The following SLC39A11 variants were observed in gnomAD, a reference collection of about 807,000 sequenced individuals.
The protein encoded by SLC39A11 is zinc transporter ZIP11.
Under a neutral mutation model 36.1 loss-of-function variants are expected in SLC39A11, and 33 were observed. The ratio of observed to expected loss-of-function variants is 0.91; its 90% CI spans 0.69 to 1.22. The LOEUF is 1.22. Among genes scored for constraint, SLC39A11 ranks in the 50% most tolerant of loss-of-function variants. The pLI, the probability that SLC39A11 is intolerant of heterozygous loss-of-function variation, is 0.00. For missense variants in SLC39A11, 432 were observed against 430.3 expected (o/e 1.00, Z -0.03); for synonymous variants, 166 against 170.3 (o/e 0.97, Z 0.20).
intron 9 of SLC39A11, among the ~76,000 whole-genome samples, chr17:72,648,530 T>C (rs1345213200): frequency 6.6e-6 from 1 of 151,884 alleles, no homozygotes; most frequent in Non-Finnish European, 1.5e-5. Flanking sequence ...AGAGAGAATA[T>C]ACAAAAACGA....
chr17:72,812,227 G>A (rs2077455490), intron 6 of SLC39A11, among the ~76,000 whole-genome samples: 1 of 152,216 alleles, frequency 6.6e-6, no homozygotes, highest in Non-Finnish European at 1.5e-5. Context: ...TCCTTTCGGA[G>A]GGAAGACAAG....
intron 5 of SLC39A11, among the ~76,000 whole-genome samples, chr17:72,943,521 T>C (rs1283998864): frequency 6.6e-6 from 1 of 152,184 alleles, no homozygotes; most frequent in Non-Finnish European, 1.5e-5. Flanking sequence ...GAAAAATCTG[T>C]TTCTTACCTG....
intron 6 of SLC39A11, among the ~76,000 whole-genome samples, chr17:72,791,792 G>C (rs2714015): frequency 0.65 from 98,324 of 151,942 alleles, 32,684 homozygotes; most frequent in Non-Finnish European, 0.74. Context: ...GGGGCTTTTC[G>C]CCCTTTTGCT....
Position 72,736,682 on chromosome 17 carries a change from T to C in SLC39A11, c.639A>G (p.Glu213=), listed in dbSNP as rs972172342. 1 of 1,613,954 alleles carries C rather than the reference T, an allele frequency of 6.2e-7. No homozygotes were observed. The highest frequency in any genetic ancestry group is 8.5e-7 in the Non-Finnish European group (1 of 1,179,992). ...TCTCAAAGGTAGCAGATGCCGTCTT[T>C]TCTATAGCCCCAAATCCAACTCCAA... is the stretch of plus-strand genomic sequence containing the variant. The part of the protein sequence containing the change: ...LAVGVGFGAI[E]KTASATFESA... Residue 213 remains glutamate, a synonymous_variant, in exon 7 of 10, where the codon GAA becomes GAG. Coordinates refer to ENST00000255559, the MANE Select transcript of SLC39A11 (RefSeq NM_139177.4).
chr17:72,935,983 G>C (rs1208597815), intron 5 of SLC39A11, among the ~76,000 whole-genome samples: 2 of 151,936 alleles, frequency 1.3e-5, no homozygotes, highest in African/African-American at 4.8e-5. Context: ...GATCGCTTGA[G>C]CTAAGGAGTT....
chr17:73,035,807 C>T (rs894651952), intron 3 of SLC39A11, among the ~76,000 whole-genome samples: 5 of 130,672 alleles, frequency 3.8e-5, no homozygotes, highest in African/African-American at 1.5e-4. Context: ...GAGGTTGCAG[C>T]GAGCCAAGAT....
At chr17:72,712,281 G>GGGCCTGCCTGCCTATTTGAGCT (rs2073135614) in intron 7 of SLC39A11, among the ~76,000 whole-genome samples, 7 of 152,222 alleles carry the variant, frequency 4.6e-5, no homozygotes, top group Admixed American at 3.9e-4. Flanking sequence ...GCCTGTGGCA[G>GGGCCTGCCTGCCTATTTGAGCT]GGCCTGCCTG....
intron 5 of SLC39A11, among the ~76,000 whole-genome samples, chr17:72,899,933 G>C (rs1007099598): frequency 6.7e-6 from 1 of 148,354 alleles, no homozygotes; most frequent in Non-Finnish European, 1.5e-5. Context: ...CTATATTCCA[G>C]CCTGGGTGAC....
At chr17:72,731,821 G>C (rs1349167791) in intron 7 of SLC39A11, among the ~76,000 whole-genome samples, 1 of 151,168 alleles carries the variant, frequency 6.6e-6, no homozygotes, top group East Asian at 2.0e-4. Context: ...CCACCTCCCA[G>C]GTTCAAGAGA....
chr17:72,787,431 G>A (rs963663810), intron 6 of SLC39A11, among the ~76,000 whole-genome samples: 5 of 151,582 alleles, frequency 3.3e-5, no homozygotes, highest in African/African-American at 7.3e-5. Flanking sequence ...CTAATTTTTC[G>A]TATTTTTAGT....
rs1174398176 is a variant in SLC39A11 at position 72,646,788 on chromosome 17, A to G, written c.*796T>C. On this transcript the variant is annotated 3_prime_UTR_variant, in exon 10 of 10. Coordinates refer to ENST00000255559, the MANE Select transcript of SLC39A11 (RefSeq NM_139177.4). ...AACTTATCAAAATAAATGCCTAAGAAATTTGGAAAGCGCGACAAATGGCCT... is the reference window on the plus strand; with the variant it reads ...AACTTATCAAAATAAATGCCTAAGAGATTTGGAAAGCGCGACAAATGGCCT... The G allele has an allele frequency of 6.6e-6, 1 of 152,558 alleles. No homozygotes were observed. Among genetic ancestry groups the G allele is most frequent in the East Asian group, 1.9e-4 (1 of 5,188 alleles). 9.5% of individuals were successfully genotyped at this position (152,558 alleles called of 1,614,324 possible).
intron 3 of SLC39A11, among the ~76,000 whole-genome samples, chr17:73,049,865 A>C (rs1301738929): frequency 6.6e-6 from 1 of 152,180 alleles, no homozygotes; most frequent in African/African-American, 2.4e-5. Flanking sequence ...GCTCACGCCT[A>C]TAATCCCAGC....
rs2059711077 is a variant in SLC39A11 at position 73,057,701 on chromosome 17, GC to G, written c.148-25988del. Among the ~76,000 whole-genome samples the G allele has an allele frequency of 2.6e-5, 4 of 152,306 alleles. No homozygotes were observed. In the South Asian group the frequency reaches 8.3e-4, roughly 32 times the overall value. On this transcript the variant is annotated intron_variant, in intron 3 of 9. Coordinates refer to ENST00000255559, the MANE Select transcript of SLC39A11 (RefSeq NM_139177.4). ...GCCTGTAATCCTAGCACTTTGGGAG[GC>G]CGAGGCGGGCAGATCACTTGAGGTC...
At chr17:73,033,470 C>T (rs1025400761) in intron 3 of SLC39A11, among the ~76,000 whole-genome samples, 17 of 152,174 alleles carry the variant, frequency 1.1e-4, no homozygotes, top group Admixed American at 3.9e-4. Flanking sequence ...ACTATAGTTG[C>T]TGGAGATGAG....
At chr17:73,034,403 G>A (rs1165926298) in intron 3 of SLC39A11, among the ~76,000 whole-genome samples, 2 of 152,284 alleles carry the variant, frequency 1.3e-5, no homozygotes, top group East Asian at 1.9e-4. Context: ...TGTATTTTTA[G>A]TAGAGACAGG....
At chr17:73,050,693 G>C (rs958632680) in intron 3 of SLC39A11, among the ~76,000 whole-genome samples, 1 of 152,116 alleles carries the variant, frequency 6.6e-6, no homozygotes, top group Admixed American at 6.6e-5. Flanking sequence ...TTGAACTCTT[G>C]ACCTCAAGTG....
At chr17:72,648,997 G>A in intron 8 of SLC39A11, 36 bp from the exon 9 acceptor site, 2 of 1,593,316 alleles carry the variant, frequency 1.3e-6, no homozygotes, top group Non-Finnish European at 1.7e-6. Context: ...CACCGCAGGG[G>A]GAGGCAAGCA....
At chr17:73,015,128 C>T (rs73350918) in intron 4 of SLC39A11, among the ~76,000 whole-genome samples, 1,743 of 152,304 alleles carry the variant, frequency 0.011, 40 homozygotes, top group East Asian at 0.033. Flanking sequence ...GCCTCACAGC[C>T]ACTGAAGTCT....
At chr17:72,885,772 C>T (rs1393489423) in intron 5 of SLC39A11, among the ~76,000 whole-genome samples, 1 of 152,192 alleles carries the variant, frequency 6.6e-6, no homozygotes, top group East Asian at 1.9e-4. Context: ...CAGTGGCCCT[C>T]GCTAGAGCCA....
Sources: allele counts gnomAD v4.1 joint callset (sites outside exome capture counted in the v4.1 genomes callset), GRCh38; gene constraint gnomAD v4.1.1; transcripts MANE v1.5; gene names NCBI Gene and HGNC (gene_info 2026-07-23, HGNC 2026-07-21).